EPHB1: variants seen among roughly 807,000 people sequenced by gnomAD.
The protein encoded by EPHB1 is ephrin type-B receptor 1.
EPHB1 carries 30 observed loss-of-function variants against 94.4 expected under a neutral mutation model. The observed-to-expected ratio is 0.32, with a 90% CI of 0.24 to 0.43. The LOEUF is 0.43. Ranked by LOEUF, EPHB1 falls within the 20% of genes least tolerant of loss-of-function variation. The pLI is 1.00. For synonymous variants in EPHB1, 522 were observed against 489.1 expected (o/e 1.07, Z -0.89); for missense variants, 1,055 against 1,308.3 (o/e 0.81, Z 2.99).
intron 3 of EPHB1, among the ~76,000 whole-genome samples, chr3:135,028,531 G>A (rs1187390509): frequency 1.4e-5 from 2 of 144,008 alleles, no homozygotes; most frequent in Non-Finnish European, 3.1e-5. Flanking sequence ...GTAGGTGAGC[G>A]GTTTTGAGTG....
chr3:135,045,075 G>A (rs913231360), intron 3 of EPHB1, among the ~76,000 whole-genome samples: 1 of 152,154 alleles, frequency 6.6e-6, no homozygotes, highest in African/African-American at 2.4e-5. Flanking sequence ...CTGTCAGGGT[G>A]ATCTACAAGT....
chr3:135,126,135 C>A (rs1033909498), intron 4 of EPHB1, among the ~76,000 whole-genome samples: 6 of 152,198 alleles, frequency 3.9e-5, no homozygotes, highest in Non-Finnish European at 8.8e-5. Context: ...ACCCTCTCTA[C>A]CACCTCTTCA....
intron 3 of EPHB1, among the ~76,000 whole-genome samples, chr3:134,975,493 G>C (rs1934151497): frequency 6.6e-6 from 1 of 152,150 alleles, no homozygotes; most frequent in Admixed American, 6.5e-5. Context: ...CTGACACTCT[G>C]CTACTCTGGC....
intron 1 of EPHB1, among the ~76,000 whole-genome samples, chr3:134,869,346 T>C (rs1475699960): frequency 6.6e-6 from 1 of 152,222 alleles, no homozygotes; most frequent in Non-Finnish European, 1.5e-5. Flanking sequence ...CTCTCTGGGC[T>C]GATGCCATTC....
At chr3:135,249,679 A>T (rs1932985809) in intron 15 of EPHB1, among the ~76,000 whole-genome samples, 188 bp downstream of exon 15, 1 of 152,180 alleles carries the variant, frequency 6.6e-6, no homozygotes, top group East Asian at 1.9e-4. Context: ...GGAGGTGGAG[A>T]TCCACTCTGG....
intron 4 of EPHB1, among the ~76,000 whole-genome samples, chr3:135,116,908 G>T (rs1168183311): frequency 6.6e-6 from 1 of 152,202 alleles, no homozygotes; most frequent in Non-Finnish European, 1.5e-5. Context: ...TGACTTTCCA[G>T]ATTCCCTGGT....
rs115698429 is a variant in EPHB1 at position 134,916,409 on chromosome 3, G to A, written c.59-9407G>A. 5.8e-3 allele frequency among the ~76,000 whole-genome samples: 881 copies of A among 152,338 alleles called. 4 individuals are homozygous for A. Among genetic ancestry groups the A allele is most frequent in the African/African-American group, 0.02 (834 of 41,578 alleles). On this transcript the variant is annotated intron_variant, in intron 1 of 15. Coordinates refer to ENST00000398015, the MANE Select transcript of EPHB1 (RefSeq NM_004441.5). The stretch of plus-strand genomic sequence containing the variant: ...GACCGGACACCGTGGAGCAGGGGGC[G>A]GTGCTCGTCCGGGAGGCTCAGGCCG...
Position 134,910,110 on chromosome 3 carries a change from G to C in EPHB1, c.59-15706G>C, listed in dbSNP as rs2038421868. Among the ~76,000 whole-genome samples the C allele has an allele frequency of 5.3e-5, 8 of 152,230 alleles. No individual in the cohort carries two copies. The South Asian group carries it at 1.7e-3, about 32-fold the overall frequency. On this transcript the variant is annotated intron_variant, in intron 1 of 15. Coordinates refer to ENST00000398015, the MANE Select transcript of EPHB1 (RefSeq NM_004441.5). ...CATAAAATGTTTGCAGTGTAGCTAA[G>C]AGTGCCATCCTTAGGCCTGGGGCAT...
intron 1 of EPHB1, among the ~76,000 whole-genome samples, chr3:134,798,292 G>C (rs1047474118): frequency 2.0e-5 from 3 of 152,174 alleles, no homozygotes; most frequent in African/African-American, 7.2e-5. Context: ...AAGGAGATGT[G>C]GCCAGAGGAA....
At chr3:134,948,410 G>A (rs1385420048) in intron 2 of EPHB1, among the ~76,000 whole-genome samples, 1 of 152,028 alleles carries the variant, frequency 6.6e-6, no homozygotes, top group Non-Finnish European at 1.5e-5. Context: ...CATGGAAAGG[G>A]AGGGAGGTCT....
At position 135,002,789 on chromosome 3, in the gene EPHB1, G is replaced by A. The variant is rs1332783771; in HGVS notation, c.805+50737G>A. On this transcript the variant is annotated intron_variant, in intron 3 of 15. Transcript: ENST00000398015. ...CTCTGATGGTAGTTTGTATTTCTGTGGGATCAGTGGTGATATCCCCTTTAT... is the reference window on the plus strand; with the variant it reads ...CTCTGATGGTAGTTTGTATTTCTGTAGGATCAGTGGTGATATCCCCTTTAT... Among the ~76,000 whole-genome samples the A allele has an allele frequency of 5.3e-5, 8 of 152,042 alleles. No individual in the cohort carries two copies. In the East Asian group the frequency reaches 1.5e-3, roughly 29 times the overall value.
In EPHB1 at chr3:134,951,155, A is replaced by G. The variant is rs1933012760; in HGVS notation, c.124-216A>G. Among the ~76,000 whole-genome samples, 1 of 152,160 alleles carries G rather than the reference A, an allele frequency of 6.6e-6. No individual in the cohort carries two copies. Among genetic ancestry groups the G allele is most frequent in the South Asian group, 2.1e-4 (1 of 4,826 alleles). ...AGCTTTCTTGAATGAAGTGTGTTAT[A>G]TTTTGGGATGGGCTGCAAAAAAATC... On this transcript the variant is annotated intron_variant, in intron 2 of 15. Coordinates refer to ENST00000398015, the MANE Select transcript of EPHB1 (RefSeq NM_004441.5). This position sits in a 1 kb window ranked among gnomAD's most constrained non-coding sequence, Gnocchi z 4.5.
rs891625477 is a variant in EPHB1, at chr3:134,951,616, C to A, written c.369C>A (p.Thr123=). ...YYYETDSVIA[T]KKSAFWSEAP... The stretch of plus-strand genomic sequence containing the variant: ...ATGAGACTGACTCTGTCATTGCCAC[C>A]AAGAAGTCAGCCTTCTGGTCTGAGG... Residue 123 remains threonine, a synonymous_variant, in exon 3 of 16, where the codon ACC becomes ACA. Coordinates refer to ENST00000398015, the MANE Select transcript of EPHB1 (RefSeq NM_004441.5). The surrounding 1 kb of genome is among the most constrained non-coding windows in gnomAD (Gnocchi z 4.5). 4 of 1,613,952 alleles carry A rather than the reference C, an allele frequency of 2.5e-6. No individual in the cohort carries two copies. The highest frequency in any genetic ancestry group is 1.1e-5 in the South Asian group (1 of 91,084).
chr3:135,115,987 G>A (rs568095633), intron 4 of EPHB1, among the ~76,000 whole-genome samples: 55 of 152,240 alleles, frequency 3.6e-4, no homozygotes, highest in African/African-American at 1.2e-3. Flanking sequence ...AGGCCGAGGC[G>A]GGTGGATCAC....
At chr3:135,172,989 T>C (rs1234551037) in intron 9 of EPHB1, among the ~76,000 whole-genome samples, 1 of 151,922 alleles carries the variant, frequency 6.6e-6, no homozygotes, top group Non-Finnish European at 1.5e-5. Flanking sequence ...CCGTCATTGA[T>C]ACCCACAAAG....
chr3:135,017,499 A>T (rs995571014), intron 3 of EPHB1, among the ~76,000 whole-genome samples: 3 of 152,098 alleles, frequency 2.0e-5, no homozygotes, highest in African/African-American at 7.2e-5. Context: ...GAAGTGGAGT[A>T]GGCAGGGGAA....
chr3:135,153,230 G>A (rs1941248119), intron 5 of EPHB1, among the ~76,000 whole-genome samples: 1 of 152,144 alleles, frequency 6.6e-6, no homozygotes. Flanking sequence ...GAGTTTGAGT[G>A]AGGAAAAGAC....
intron 2 of EPHB1, among the ~76,000 whole-genome samples, chr3:134,940,550 T>C (rs905058358): frequency 5.9e-5 from 9 of 152,204 alleles, no homozygotes; most frequent in Non-Finnish European, 1.3e-4. Flanking sequence ...TTCTCAGCAA[T>C]GGGCCAGGCA....
intron 3 of EPHB1, among the ~76,000 whole-genome samples, chr3:135,082,364 C>T (rs139730199): frequency 2.6e-4 from 40 of 152,260 alleles, no homozygotes; most frequent in Non-Finnish European, 4.1e-4. Flanking sequence ...ATGATGATGA[C>T]GATGATAACG....
Sources: allele counts gnomAD v4.1 joint callset (sites outside exome capture counted in the v4.1 genomes callset), GRCh38; gene constraint gnomAD v4.1.1; non-coding constraint Gnocchi (gnomAD v3.1); transcripts MANE v1.5; gene names NCBI Gene and HGNC (gene_info 2026-07-23, HGNC 2026-07-21).